Variants in LAMA2 observed in about 807,000 individuals in gnomAD.
The protein encoded by LAMA2 is laminin subunit alpha-2.
A neutral mutation model predicts 364.8 loss-of-function variants in LAMA2; 269 were observed. The observed-to-expected ratio is 0.74, with a 90% CI of 0.67 to 0.82. LAMA2 has a LOEUF of 0.82. Ranked by LOEUF, LAMA2 falls within the 40% of genes least tolerant of loss-of-function variation. The pLI, the probability that LAMA2 is intolerant of heterozygous loss-of-function variation, is 0.00. For missense variants in LAMA2, 3,807 were observed against 3,873.2 expected (o/e 0.98, Z 0.45); for synonymous variants, 1,379 against 1,370.6 (o/e 1.01, Z -0.14).
chr6:129,358,378 C>T (rs1248250014), intron 32 of LAMA2, among the ~76,000 whole-genome samples: 3 of 151,912 alleles, frequency 2.0e-5, no homozygotes, highest in Admixed American at 6.6e-5. Flanking sequence ...ATCACTGTTG[C>T]CTTTGTTTTC....
intron 9 of LAMA2, among the ~76,000 whole-genome samples, chr6:129,172,950 C>T (rs149746658): frequency 0.056 from 8,583 of 152,332 alleles, 349 homozygotes; most frequent in Non-Finnish European, 0.091. Context: ...TGCCGTCCGT[C>T]ACCCCTTTCT....
chr6:129,222,505 A>T (rs1783928382), intron 12 of LAMA2, among the ~76,000 whole-genome samples: 1 of 90,758 alleles, frequency 1.1e-5, no homozygotes, highest in Non-Finnish European at 2.0e-5. Context: ...CCCCCACCCT[A>T]CGACAGGCCC....
intron 4 of LAMA2, among the ~76,000 whole-genome samples, chr6:129,127,728 T>C (rs1164678271): frequency 3.9e-5 from 6 of 152,230 alleles, no homozygotes; most frequent in Non-Finnish European, 8.8e-5. Flanking sequence ...TGTGAGATGA[T>C]ATCTCATTGT....
At chr6:129,483,309 G>A (rs1280343834) in intron 55 of LAMA2, among the ~76,000 whole-genome samples, 1 of 151,472 alleles carries the variant, frequency 6.6e-6, no homozygotes, top group Non-Finnish European at 1.5e-5. Context: ...AGAAACAGAT[G>A]ACTATTTTGA....
intron 51 of LAMA2, among the ~76,000 whole-genome samples, 168 bp downstream of exon 51, chr6:129,465,457 A>G (rs1783496234): frequency 6.6e-6 from 1 of 151,968 alleles, no homozygotes. Flanking sequence ...TTTGGGTTAG[A>G]CATGACTGAT....
intron 12 of LAMA2, among the ~76,000 whole-genome samples, chr6:129,193,804 G>T (rs1781677926): frequency 6.6e-6 from 1 of 152,092 alleles, no homozygotes; most frequent in Non-Finnish European, 1.5e-5. Flanking sequence ...ATAGTCAGTG[G>T]TTTTCTTGCA....
chr6:129,334,774 C>T (rs1775851523), intron 29 of LAMA2, among the ~76,000 whole-genome samples: 1 of 152,106 alleles, frequency 6.6e-6, no homozygotes, highest in African/African-American at 2.4e-5. Flanking sequence ...CCCCTTCTTT[C>T]TTTGTCTTCA....
chr6:129,116,692 T>C (rs1776504153), intron 4 of LAMA2, among the ~76,000 whole-genome samples: 1 of 152,132 alleles, frequency 6.6e-6, no homozygotes, highest in South Asian at 2.1e-4. Context: ...ATAACATGCA[T>C]TTTATACATT....
intron 1 of LAMA2, among the ~76,000 whole-genome samples, chr6:128,921,836 T>A (rs1778755269): frequency 6.6e-6 from 1 of 150,880 alleles, no homozygotes; most frequent in African/African-American, 2.4e-5. Flanking sequence ...TAGGTATATC[T>A]CCCAATGCTA....
rs188704098 is a variant in LAMA2, at chr6:128,895,634, C to T, written c.112+12277C>T. On this transcript the variant is annotated intron_variant, in intron 1 of 64. Transcript: ENST00000421865. ...CTGCACTCCAGCTTGGGCAACAGAG[C>T]GAGACTCCGTGAACTCATGAGCAAG... is the stretch of plus-strand genomic sequence containing the variant. Among the ~76,000 whole-genome samples the T allele has an allele frequency of 2.2e-3, 336 of 152,022 alleles. 2 individuals are homozygous for T. The highest frequency in any genetic ancestry group is 0.014 in the Middle Eastern group (4 of 292).
chr6:129,300,610 C>T, intron 21 of LAMA2, 126 bp from the exon 22 acceptor site: 1 of 956,382 alleles, frequency 1.0e-6, no homozygotes, highest in South Asian at 1.3e-5. Context: ...GTTTTTATTT[C>T]CAAATATCCT....
chr6:129,463,314 A>G (rs1482045272), intron 49 of LAMA2, among the ~76,000 whole-genome samples: 1 of 152,066 alleles, frequency 6.6e-6, no homozygotes, highest in Non-Finnish European at 1.5e-5. Flanking sequence ...ACTCTATTCT[A>G]TTCTATGTCG....
At chr6:129,497,418 A>C (rs1015340245) in intron 58 of LAMA2, among the ~76,000 whole-genome samples, 1 of 151,834 alleles carries the variant, frequency 6.6e-6, no homozygotes, top group Non-Finnish European at 1.5e-5. Context: ...TTGTATTTTT[A>C]ATAGAGATGG....
chr6:129,336,959 A>T (rs962157961), intron 29 of LAMA2, among the ~76,000 whole-genome samples: 3 of 152,230 alleles, frequency 2.0e-5, no homozygotes, highest in African/African-American at 7.2e-5. Context: ...CTGACAGATG[A>T]TACTATGAAT....
At chr6:129,321,715 A>C (rs1380670384) in intron 28 of LAMA2, among the ~76,000 whole-genome samples, 1 of 152,222 alleles carries the variant, frequency 6.6e-6, no homozygotes, top group Non-Finnish European at 1.5e-5. Flanking sequence ...TTATATACCC[A>C]TGTATTGATT....
intron 4 of LAMA2, among the ~76,000 whole-genome samples, chr6:129,100,359 G>T (rs1192356292): frequency 6.6e-6 from 1 of 152,136 alleles, no homozygotes; most frequent in African/African-American, 2.4e-5. Flanking sequence ...ACGTCTATTT[G>T]TCACTCATGG....
intron 43 of LAMA2, 156 bp from the exon 44 acceptor site, chr6:129,442,907 A>G: frequency 1.7e-6 from 1 of 582,706 alleles, no homozygotes; most frequent in Non-Finnish European, 3.0e-6. Flanking sequence ...CTTTTATTTG[A>G]TAACAATTGC....
At chr6:129,478,582 A>C in intron 53 of LAMA2, 111 bp from the exon 54 acceptor site, 1 of 1,111,642 alleles carries the variant, frequency 9.0e-7, no homozygotes, top group Non-Finnish European at 1.4e-6. Flanking sequence ...ACAGTTTGAT[A>C]GACATGTGCC....
chr6:129,419,518 C>G (rs995932932), intron 40 of LAMA2, among the ~76,000 whole-genome samples: 35 of 152,276 alleles, frequency 2.3e-4, no homozygotes, highest in African/African-American at 8.2e-4. Context: ...CAGTGTCTGT[C>G]TCACTGAAGC....
Sources: allele counts gnomAD v4.1 joint callset (sites outside exome capture counted in the v4.1 genomes callset), GRCh38; gene constraint gnomAD v4.1.1; transcripts MANE v1.5; gene names NCBI Gene and HGNC (gene_info 2026-07-23, HGNC 2026-07-21).